PCBP3: variants seen among roughly 807,000 people sequenced by gnomAD.
PCBP3 encodes poly(rC) binding protein 3.
A neutral mutation model predicts 52.7 loss-of-function variants in PCBP3; 25 were observed. The observed-to-expected ratio is 0.47, with a 90% CI of 0.35 to 0.66. The LOEUF (loss-of-function observed/expected upper bound fraction) is 0.66, where lower values mean the gene tolerates loss of function less well. PCBP3 is among the 30% of genes least tolerant of loss of function. PCBP3 has a pLI of 0.01. For synonymous variants in PCBP3, 162 were observed against 183.0 expected (o/e 0.89, Z 0.93); for missense variants, 391 against 490.3 (o/e 0.80, Z 1.91).
chr21:45,858,929 C>T (rs925045557), intron 5 of PCBP3: 1 of 152,284 alleles, frequency 6.6e-6, no homozygotes, highest in African/African-American at 2.4e-5. Flanking sequence ...TCTTGCCGGC[C>T]ACCATGTAAG....
rs752622067 is a variant in PCBP3 at position 45,821,453 on chromosome 21, C to G, written c.-125-28508C>G. Among the ~76,000 whole-genome samples the G allele has an allele frequency of 6.6e-6, 1 of 150,558 alleles. No homozygotes were observed. Among genetic ancestry groups the G allele is most frequent in the Non-Finnish European group, 1.5e-5 (1 of 67,552 alleles). ...ACCGTGCTGTGGGCCCCGCACCTTC[C>G]CCCAACTCTTTTCTAGAACACTCTT... On this transcript the variant is annotated intron_variant, in intron 4 of 17. Transcript: ENST00000681687. This position sits in a 1 kb window ranked among gnomAD's most constrained non-coding sequence, Gnocchi z 4.4.
Position 45,829,907 on chromosome 21 carries a change from A to C in PCBP3, c.-125-20054A>C, listed in dbSNP as rs2147702921. 6.6e-6 allele frequency: 1 copy of C among 152,378 alleles called. No individual in the cohort carries two copies. Among genetic ancestry groups the C allele is most frequent in the Non-Finnish European group, 1.5e-5 (1 of 68,026 alleles). The allele number at this position is 152,378 out of a possible 1,614,324, so 9.4% of individuals were successfully genotyped here. A position where few individuals can be genotyped will look rare whatever the true frequency, so the allele number is the denominator to read the frequency against. Reference sequence around the variant, plus strand: ...AGTGGGCCCTCATCCTGGCAATCTCACCATGCCATGGCAACTGCCAGTAAC... The same window carrying C: ...AGTGGGCCCTCATCCTGGCAATCTCCCCATGCCATGGCAACTGCCAGTAAC... On this transcript the variant is annotated intron_variant, in intron 4 of 17. Coordinates refer to ENST00000681687, the MANE Select transcript of PCBP3 (RefSeq NM_001384156.1). This position sits in a 1 kb window ranked among gnomAD's most constrained non-coding sequence, Gnocchi z 5.2.
intron 5 of PCBP3, among the ~76,000 whole-genome samples, chr21:45,863,048 A>G (rs377150190): frequency 7.9e-5 from 12 of 152,302 alleles, no homozygotes; most frequent in South Asian, 2.1e-4. Flanking sequence ...CACAGCTGGC[A>G]TCAGGACCAC....
At chr21:45,849,416 G>A (rs1379851067) in intron 4 of PCBP3, among the ~76,000 whole-genome samples, 1 of 152,002 alleles carries the variant, frequency 6.6e-6, no homozygotes, top group Admixed American at 6.5e-5. Flanking sequence ...ATGTTGCCCA[G>A]GCTGGCCTCA....
intron 5 of PCBP3, among the ~76,000 whole-genome samples, chr21:45,888,124 C>T (rs1052542929): frequency 2.4e-4 from 36 of 152,198 alleles, no homozygotes; most frequent in African/African-American, 6.5e-4. Flanking sequence ...CCAGGGAGGC[C>T]GCACAGGGCA....
chr21:45,800,989 C>G lies in PCBP3; in HGVS notation c.-126+45537C>G, dbSNP rs901653136. Among the ~76,000 whole-genome samples the G allele has an allele frequency of 6.6e-6, 1 of 152,210 alleles. No individual in the cohort carries two copies. The highest frequency in any genetic ancestry group is 2.4e-5 in the African/African-American group (1 of 41,454). On this transcript the variant is annotated intron_variant, in intron 4 of 17. Coordinates refer to ENST00000681687, the MANE Select transcript of PCBP3 (RefSeq NM_001384156.1). This position sits in a 1 kb window ranked among gnomAD's most constrained non-coding sequence, Gnocchi z 5.3. ...TTGTTGCCCGTTCTGCGTGGCCACC[C>G]GTTCTTGCCAGCATGCCCACTCGCT...
chr21:45,749,208 C>T (rs1029673047), intron 3 of PCBP3, among the ~76,000 whole-genome samples: 3 of 152,140 alleles, frequency 2.0e-5, no homozygotes, highest in Non-Finnish European at 2.9e-5. Context: ...TGCCCGTTTT[C>T]AGAACCTTCT....
chr21:45,937,219 G>A (rs568351736), intron 16 of PCBP3, among the ~76,000 whole-genome samples: 50 of 152,354 alleles, frequency 3.3e-4, no homozygotes, highest in Non-Finnish European at 4.1e-4. Context: ...GACACTGCTT[G>A]GAGGCAGGGA....
chr21:45,723,416 A>T (rs560983937), intron 2 of PCBP3, among the ~76,000 whole-genome samples: 35 of 152,366 alleles, frequency 2.3e-4, no homozygotes, highest in Middle Eastern at 3.4e-3. Flanking sequence ...AGTTCTGATA[A>T]TGAGAGTGAC....
chr21:45,754,229 C>T (rs991055674), intron 3 of PCBP3, among the ~76,000 whole-genome samples: 1 of 152,000 alleles, frequency 6.6e-6, no homozygotes, highest in Non-Finnish European at 1.5e-5. Flanking sequence ...TTTGTTCAAC[C>T]TGTATATAAT....
At chr21:45,796,592 T>G (rs1372596937) in intron 4 of PCBP3, among the ~76,000 whole-genome samples, 1 of 152,194 alleles carries the variant, frequency 6.6e-6, no homozygotes, top group Non-Finnish European at 1.5e-5. Context: ...TTTGAAATAT[T>G]TTTCTTTCTA....
At position 45,850,108 on chromosome 21, in the gene PCBP3, C is replaced by G. The variant is rs370093704; in HGVS notation, c.10+13C>G. 3 of 1,548,184 alleles carry G rather than the reference C, an allele frequency of 1.9e-6. No individual in the cohort carries two copies. Among genetic ancestry groups the G allele is most frequent in the Non-Finnish European group, 2.6e-6 (3 of 1,143,890 alleles). ...CTTATGGGGGAAGGTGAGTTACTGT[C>G]TTTTGTTTCCATGTTTGTTTGTTTA... On this transcript the variant is annotated intron_variant, in intron 5 of 17. Transcript: ENST00000681687.
intron 9 of PCBP3, among the ~76,000 whole-genome samples, chr21:45,906,216 G>A (rs528484993): frequency 4.6e-5 from 7 of 152,346 alleles, no homozygotes; most frequent in Non-Finnish European, 8.8e-5. Context: ...CATGAAGCAC[G>A]TGGCTTTGGG....
intron 5 of PCBP3, among the ~76,000 whole-genome samples, chr21:45,855,260 A>G (rs1186013039): frequency 2.0e-5 from 3 of 152,194 alleles, no homozygotes; most frequent in Non-Finnish European, 4.4e-5. Flanking sequence ...GAGGGAAAAG[A>G]GGAATCCTGG....
At chr21:45,870,530 C>T (rs1042138332) in intron 5 of PCBP3, among the ~76,000 whole-genome samples, 7 of 152,218 alleles carry the variant, frequency 4.6e-5, no homozygotes, top group South Asian at 4.1e-4. Context: ...TGGAGACACT[C>T]ATGACCACCG....
At chr21:45,649,174 C>T (rs745803285) in intron 1 of PCBP3, among the ~76,000 whole-genome samples, 8 of 152,204 alleles carry the variant, frequency 5.3e-5, no homozygotes, top group Non-Finnish European at 1.0e-4. Flanking sequence ...TCTCACATGG[C>T]AGCAGACAAG....
rs370268611 is a variant in PCBP3, at chr21:45,733,481, C to T, written c.-199-1911C>T. Among the ~76,000 whole-genome samples, 9 of 151,946 alleles carry T rather than the reference C, an allele frequency of 5.9e-5. No homozygotes were observed. In the East Asian group the frequency reaches 9.7e-4, roughly 16 times the overall value. ...TTTTTGTGTGTATTTTTGGTACAGA[C>T]GGGGTTTCACTGTGTTAGCCAGGAT... On this transcript the variant is annotated intron_variant, in intron 2 of 17. Coordinates refer to ENST00000681687, the MANE Select transcript of PCBP3 (RefSeq NM_001384156.1).
intron 4 of PCBP3, among the ~76,000 whole-genome samples, chr21:45,757,799 G>A (rs549893219): frequency 1.6e-4 from 25 of 152,104 alleles, no homozygotes; most frequent in Admixed American, 6.5e-5. Context: ...CCTATGGAAT[G>A]GTCTTAGTAT....
chr21:45,753,325 A>C (rs1169442298), intron 3 of PCBP3, among the ~76,000 whole-genome samples: 4 of 151,586 alleles, frequency 2.6e-5, no homozygotes, highest in Admixed American at 6.6e-5. Flanking sequence ...TGAACCTTTT[A>C]ATCTTTATGT....
Sources: gnomAD v4.1 joint callset for allele counts (sites outside exome capture counted in the v4.1 genomes callset) on GRCh38, gnomAD v4.1.1 for gene constraint, Gnocchi (gnomAD v3.1) non-coding constraint, MANE v1.5 for transcripts, NCBI Gene and HGNC (gene_info 2026-07-23, HGNC 2026-07-21) for gene names.